The following NXPH2 variants were observed in gnomAD, a reference collection of about 807,000 sequenced individuals.
The protein encoded by NXPH2 is neurexophilin 2, also known as neurexophilin-2.
Under a neutral mutation model 19.8 loss-of-function variants are expected in NXPH2, and 5 were observed. The ratio of observed to expected loss-of-function variants is 0.25; its 90% CI spans 0.13 to 0.53. NXPH2 has a LOEUF of 0.53. Ranked by LOEUF, NXPH2 falls within the 20% of genes least tolerant of loss-of-function variation. The pLI is 0.96. For synonymous variants in NXPH2, 154 were observed against 127.4 expected (o/e 1.21, Z -1.41); for missense variants, 289 against 322.8 (o/e 0.90, Z 0.80).
At chr2:138,740,385 C>A (rs1047505995) in intron 1 of NXPH2, among the ~76,000 whole-genome samples, 2 of 152,204 alleles carry the variant, frequency 1.3e-5, no homozygotes, top group Non-Finnish European at 2.9e-5. Context: ...ATTTGCCACA[C>A]AGGTGTCCAC....
chr2:138,744,873 A>G (rs1314284223), intron 1 of NXPH2, among the ~76,000 whole-genome samples: 1 of 152,160 alleles, frequency 6.6e-6, no homozygotes, highest in East Asian at 1.9e-4. Context: ...ACTTTTTCCC[A>G]TCTCCATGCC....
At chr2:138,759,697 G>T (rs2104838194) in intron 1 of NXPH2, among the ~76,000 whole-genome samples, 1 of 150,330 alleles carries the variant, frequency 6.7e-6, no homozygotes, top group Non-Finnish European at 1.5e-5. Flanking sequence ...GATAGAGATT[G>T]TGACAACCAC....
intron 1 of NXPH2, among the ~76,000 whole-genome samples, chr2:138,769,487 C>A (rs1178869208): frequency 6.6e-6 from 1 of 152,016 alleles, no homozygotes; most frequent in Admixed American, 6.6e-5. Flanking sequence ...GAAAAGGATG[C>A]CAAAAGAGTC....
intron 1 of NXPH2, among the ~76,000 whole-genome samples, chr2:138,691,476 A>G (rs1217319486): frequency 6.6e-6 from 1 of 152,188 alleles, no homozygotes; most frequent in East Asian, 1.9e-4. Flanking sequence ...TGATTCTGAT[A>G]GTTTTCCTGA....
chr2:138,673,812 C>T (rs1370981327), intron 1 of NXPH2, among the ~76,000 whole-genome samples: 1 of 151,782 alleles, frequency 6.6e-6, no homozygotes, highest in Non-Finnish European at 1.5e-5. Context: ...TGTGTTTGTA[C>T]TCATCCATCA....
chr2:138,718,753 T>C (rs1681231140), intron 1 of NXPH2, among the ~76,000 whole-genome samples: 1 of 152,236 alleles, frequency 6.6e-6, no homozygotes, highest in African/African-American at 2.4e-5. Flanking sequence ...ATAACTTGGT[T>C]CTGTAGTAAA....
chr2:138,689,625 C>A (rs1680716324), intron 1 of NXPH2, among the ~76,000 whole-genome samples: 1 of 152,120 alleles, frequency 6.6e-6, no homozygotes. Context: ...GTGTTCTGGA[C>A]CTAAATCGCA....
intron 1 of NXPH2, among the ~76,000 whole-genome samples, chr2:138,725,993 C>T (rs1453727740): frequency 1.3e-5 from 2 of 152,130 alleles, no homozygotes; most frequent in East Asian, 3.8e-4. Context: ...TTTTTCTCTT[C>T]AGCATTCATA....
intron 1 of NXPH2, among the ~76,000 whole-genome samples, chr2:138,714,640 C>A (rs6724976): frequency 0.2 from 30,067 of 151,904 alleles, 3,086 homozygotes; most frequent in African/African-American, 0.24. Context: ...AAAAAAAAAT[C>A]CAAGAAAAAA....
intron 1 of NXPH2, among the ~76,000 whole-genome samples, chr2:138,725,846 G>T (rs2104996487): frequency 6.6e-6 from 1 of 152,230 alleles, no homozygotes; most frequent in South Asian, 2.1e-4. Context: ...AAATGCATAG[G>T]TAAGAAGTAT....
chr2:138,760,390 C>G (rs547563054), intron 1 of NXPH2, among the ~76,000 whole-genome samples: 1 of 152,276 alleles, frequency 6.6e-6, no homozygotes, highest in South Asian at 2.1e-4. Flanking sequence ...ACAAAAACCC[C>G]ACAGGTTAGA....
chr2:138,736,410 C>A (rs1681538877), intron 1 of NXPH2, among the ~76,000 whole-genome samples: 1 of 152,214 alleles, frequency 6.6e-6, no homozygotes. Flanking sequence ...TTGGGGCTTG[C>A]AACCTCTGAA....
rs113469763 is a variant in NXPH2, at chr2:138,767,356, T to C, written c.51+12835A>G. 3.2e-4 allele frequency among the ~76,000 whole-genome samples: 48 copies of C among 152,380 alleles called. 1 individual carries two copies. The highest frequency in any genetic ancestry group is 1.1e-3 in the African/African-American group (44 of 41,598). ...GCAACTGTGTGCCTCATCATCCCTT[T>C]GCTCTATCTCTCTCTTGCTTTGCAG... On this transcript the variant is annotated intron_variant, in intron 1 of 1. Coordinates refer to ENST00000272641, the MANE Select transcript of NXPH2 (RefSeq NM_007226.3).
chr2:138,687,335 GC>G (rs1346000490), intron 1 of NXPH2, among the ~76,000 whole-genome samples: 3 of 152,142 alleles, frequency 2.0e-5, no homozygotes, highest in Non-Finnish European at 2.9e-5. Context: ...GTGTCTTTTG[GC>G]TGCATAAATG....
chr2:138,672,923 T>G (rs189733846), intron 1 of NXPH2, among the ~76,000 whole-genome samples: 4 of 152,242 alleles, frequency 2.6e-5, no homozygotes, highest in Admixed American at 6.5e-5. Context: ...ATCTATTGTA[T>G]GTTCATAAAA....
intron 1 of NXPH2, among the ~76,000 whole-genome samples, chr2:138,700,113 A>G (rs1052471969): frequency 6.6e-6 from 1 of 152,200 alleles, no homozygotes; most frequent in Admixed American, 6.5e-5. Context: ...AGTTTAAGCA[A>G]CGAATCCAAG....
intron 1 of NXPH2, among the ~76,000 whole-genome samples, chr2:138,774,978 T>C (rs1467704575): frequency 6.6e-6 from 1 of 152,202 alleles, no homozygotes; most frequent in East Asian, 1.9e-4. Flanking sequence ...GAAATCTAAG[T>C]CAGCGTTATT....
chr2:138,771,452 A>G (rs1172562966), intron 1 of NXPH2, among the ~76,000 whole-genome samples: 1 of 152,048 alleles, frequency 6.6e-6, no homozygotes, highest in African/African-American at 2.4e-5. Context: ...GAGGATGGCT[A>G]CTTAAAGAAA....
At chr2:138,692,302 A>C (rs1036044913) in intron 1 of NXPH2, among the ~76,000 whole-genome samples, 3 of 152,212 alleles carry the variant, frequency 2.0e-5, no homozygotes, top group African/African-American at 7.2e-5. Context: ...GAATTCCACA[A>C]GATATGAAGG....
Sources: gnomAD v4.1 joint callset for allele counts (sites outside exome capture counted in the v4.1 genomes callset) on GRCh38, gnomAD v4.1.1 for gene constraint, MANE v1.5 for transcripts, NCBI Gene and HGNC (gene_info 2026-07-23, HGNC 2026-07-21) for gene names.